Variants in CDH8 observed in about 807,000 individuals in gnomAD.
The protein encoded by CDH8 is cadherin 8.
CDH8 carries 17 observed loss-of-function variants against 68.1 expected under a neutral mutation model. The ratio of observed to expected loss-of-function variants is 0.25; its 90% CI spans 0.17 to 0.37. The LOEUF (loss-of-function observed/expected upper bound fraction) is 0.37, where lower values mean the gene tolerates loss of function less well. Ranked by LOEUF, CDH8 falls within the 10% of genes least tolerant of loss-of-function variation. CDH8 has a pLI of 1.00. For synonymous variants in CDH8, 372 were observed against 365.1 expected (o/e 1.02, Z -0.21); for missense variants, 763 against 999.3 (o/e 0.76, Z 3.19).
At chr16:61,659,109 G>A (rs8047077) in intron 10 of CDH8, among the ~76,000 whole-genome samples, 19,114 of 152,072 alleles carry the variant, frequency 0.13, 1,279 homozygotes, top group African/African-American at 0.16. Context: ...TTATAAAAGC[G>A]AATCTTATTA....
At chr16:61,937,944 G>A (rs1365045552) in intron 2 of CDH8, 2 of 152,004 alleles carry the variant, frequency 1.3e-5, no homozygotes, top group Non-Finnish European at 2.9e-5. Flanking sequence ...ATTAATTACA[G>A]CAGTTAATGT....
chr16:61,968,755 A>G (rs1158618061), intron 2 of CDH8, among the ~76,000 whole-genome samples: 2 of 152,210 alleles, frequency 1.3e-5, no homozygotes, highest in Admixed American at 1.3e-4. Flanking sequence ...AGGCCCCCAC[A>G]GCTTTCACTC....
chr16:62,026,772 G>A (rs9925548), intron 1 of CDH8, among the ~76,000 whole-genome samples: 84,963 of 152,062 alleles, frequency 0.56, 26,518 homozygotes, highest in African/African-American at 0.86. Flanking sequence ...ATTCGAGAGG[G>A]ATGGGACTCT....
intron 10 of CDH8, among the ~76,000 whole-genome samples, chr16:61,686,083 C>A (rs575521439): frequency 6.6e-6 from 1 of 151,878 alleles, no homozygotes; most frequent in Non-Finnish European, 1.5e-5. Context: ...TGTGGAGTTG[C>A]CAGTTTTTGC....
At chr16:61,837,999 G>C (rs535799014) in intron 4 of CDH8, among the ~76,000 whole-genome samples, 1 of 152,228 alleles carries the variant, frequency 6.6e-6, no homozygotes, top group East Asian at 1.9e-4. Flanking sequence ...AGTTAATAGA[G>C]AGTTACTAAA....
At chr16:61,859,546 G>A (rs1164607764) in intron 3 of CDH8, among the ~76,000 whole-genome samples, 3 of 152,220 alleles carry the variant, frequency 2.0e-5, no homozygotes, top group African/African-American at 7.2e-5. Flanking sequence ...TAGGGCCTCC[G>A]GATTTAATTG....
At chr16:61,874,395 G>C (rs1963424381) in intron 3 of CDH8, among the ~76,000 whole-genome samples, 1 of 151,840 alleles carries the variant, frequency 6.6e-6, no homozygotes, top group South Asian at 2.1e-4. Context: ...GCAGTGGTGT[G>C]ATCTCAGCTC....
At chr16:61,901,898 T>C (rs915155639) in intron 2 of CDH8, among the ~76,000 whole-genome samples, 3 of 152,144 alleles carry the variant, frequency 2.0e-5, no homozygotes, top group Non-Finnish European at 2.9e-5. Flanking sequence ...AAAACTGGGT[T>C]AAGAATATTT....
intron 5 of CDH8, among the ~76,000 whole-genome samples, chr16:61,821,637 A>T (rs1303518283): frequency 1.3e-5 from 2 of 152,056 alleles, no homozygotes; most frequent in Non-Finnish European, 2.9e-5. Context: ...CCCTGCAGCA[A>T]GCTGTTCAGA....
At chr16:61,691,577 G>C (rs182114913) in intron 10 of CDH8, among the ~76,000 whole-genome samples, 1 of 148,678 alleles carries the variant, frequency 6.7e-6, no homozygotes, top group East Asian at 2.0e-4. Context: ...AATGATTTGG[G>C]GGTGGAGTAC....
At chr16:61,841,524 A>G (rs1171398786) in intron 4 of CDH8, among the ~76,000 whole-genome samples, 1 of 152,190 alleles carries the variant, frequency 6.6e-6, no homozygotes, top group African/African-American at 2.4e-5. Flanking sequence ...TGGGAAAGGT[A>G]GTAAGGGGCT....
chr16:61,869,688 A>G (rs751189884), intron 3 of CDH8, among the ~76,000 whole-genome samples: 18 of 152,328 alleles, frequency 1.2e-4, no homozygotes, highest in Non-Finnish European at 2.6e-4. Flanking sequence ...AATTTTAATC[A>G]TTATGCCATA....
In CDH8 at chr16:62,021,298, G is replaced by C. The variant is rs750650661; in HGVS notation, c.106C>G (p.Gln36Glu). 6.2e-7 allele frequency: 1 copy of C among 1,613,888 alleles called. No individual in the cohort carries two copies. The highest frequency in any genetic ancestry group is 1.3e-5 in the African/African-American group (1 of 74,898). Residue 36 changes from glutamine (Q) to glutamate (E), a missense_variant, in exon 2 of 12, where the codon CAA becomes GAA. By Grantham distance (29) the Gln-to-Glu change is conservative (BLOSUM62 2). Transcript: ENST00000577390. ...AAAGGGGATCCACTCATTAAAACTT[G>C]AGACTGATTCATCGGAGCCATGTAA... ...CIYMAPMNQSQVLMSGSPLEL... is the reference protein window; with the variant it reads ...CIYMAPMNQSEVLMSGSPLEL...
intron 4 of CDH8, among the ~76,000 whole-genome samples, chr16:61,829,525 C>A (rs897867643): frequency 6.6e-6 from 1 of 151,816 alleles, no homozygotes; most frequent in Non-Finnish European, 1.5e-5. Context: ...TAATGTACTG[C>A]GGTCCAGGCC....
chr16:61,682,217 T>A (rs1200170194), intron 10 of CDH8, among the ~76,000 whole-genome samples: 2 of 151,994 alleles, frequency 1.3e-5, no homozygotes, highest in African/African-American at 4.8e-5. Flanking sequence ...AAACAATTTA[T>A]CTAGGCATTT....
chr16:61,863,183 C>T (rs76193578), intron 3 of CDH8, among the ~76,000 whole-genome samples: 3,228 of 151,746 alleles, frequency 0.021, 120 homozygotes, highest in African/African-American at 0.073. Flanking sequence ...TTCTTTTTTG[C>T]ATTTAGTTTG....
chr16:61,719,006 A>T (rs558101074), intron 9 of CDH8, among the ~76,000 whole-genome samples: 2 of 151,276 alleles, frequency 1.3e-5, no homozygotes, highest in Admixed American at 6.6e-5. Context: ...TAGTACAAAC[A>T]TATTCACAGT....
chr16:61,849,235 T>C (rs1243466337), intron 4 of CDH8, among the ~76,000 whole-genome samples: 1 of 151,976 alleles, frequency 6.6e-6, no homozygotes, highest in Non-Finnish European at 1.5e-5. Flanking sequence ...TGTGTATGTG[T>C]GTGTGGTGTG....
intron 4 of CDH8, among the ~76,000 whole-genome samples, chr16:61,843,962 T>A (rs1322566033): frequency 6.6e-6 from 1 of 152,078 alleles, no homozygotes; most frequent in Admixed American, 6.6e-5. Context: ...GTGGTTTTGA[T>A]TTGCATTTCT....
Sources: allele counts gnomAD v4.1 joint callset (sites outside exome capture counted in the v4.1 genomes callset), GRCh38; gene constraint gnomAD v4.1.1; transcripts MANE v1.5; gene names NCBI Gene and HGNC (gene_info 2026-07-23, HGNC 2026-07-21).